Variants in PARD3B observed in about 807,000 individuals in gnomAD.
PARD3B encodes partitioning defective 3 homolog B.
A neutral mutation model predicts 130.2 loss-of-function variants in PARD3B; 103 were observed. That is an observed-to-expected ratio of 0.79 (90% CI 0.67 to 0.93). The LOEUF is 0.93. Among genes scored for constraint, PARD3B ranks in the 40% least tolerant of loss-of-function variants. The probability of loss-of-function intolerance (pLI) is 0.00; values close to 1 mark genes in which losing one functional copy is unlikely to be tolerated. For synonymous variants in PARD3B, 583 were observed against 553.2 expected (o/e 1.05, Z -0.76); for missense variants, 1,609 against 1,499.2 (o/e 1.07, Z -1.21).
chr2:205,389,151 T>C (rs1344532054), intron 18 of PARD3B, among the ~76,000 whole-genome samples: 1 of 152,182 alleles, frequency 6.6e-6, no homozygotes, highest in Admixed American at 6.5e-5. Context: ...TTTCTAAGTT[T>C]ATTGGTAGTT....
intron 2 of PARD3B, among the ~76,000 whole-genome samples, chr2:204,897,402 T>TTTTTTTTA (rs2046678726): frequency 4.0e-5 from 6 of 149,826 alleles, no homozygotes; most frequent in Non-Finnish European, 7.4e-5. Context: ...TTTTTTTTTT[T>TTTTTTTTA]GAGAATTTAA....
intron 22 of PARD3B, among the ~76,000 whole-genome samples, chr2:205,556,417 A>G (rs915658422): frequency 7.2e-5 from 11 of 152,278 alleles, no homozygotes; most frequent in African/African-American, 2.4e-4. Flanking sequence ...AAGTGCTTTC[A>G]TGGAACTCGG....
intron 16 of PARD3B, among the ~76,000 whole-genome samples, chr2:205,298,433 G>A (rs2041871286): frequency 1.3e-5 from 2 of 151,692 alleles, no homozygotes; most frequent in African/African-American, 2.4e-5. Flanking sequence ...ATTTAATAGT[G>A]ACATATCCTC....
At chr2:204,683,892 A>C (rs1411880641) in intron 1 of PARD3B, among the ~76,000 whole-genome samples, 1 of 152,054 alleles carries the variant, frequency 6.6e-6, no homozygotes, top group Non-Finnish European at 1.5e-5. Context: ...TTTAGTTCTG[A>C]GCTCTTTTGA....
intron 20 of PARD3B, among the ~76,000 whole-genome samples, chr2:205,499,084 C>A (rs1245151208): frequency 1.3e-5 from 2 of 152,168 alleles, no homozygotes; most frequent in Non-Finnish European, 2.9e-5. Flanking sequence ...CTGTTCAGAT[C>A]TGCCTGTCAT....
At chr2:204,619,166 A>G (rs1170247175) in intron 1 of PARD3B, among the ~76,000 whole-genome samples, 1 of 152,148 alleles carries the variant, frequency 6.6e-6, no homozygotes, top group Non-Finnish European at 1.5e-5. Flanking sequence ...CTGTTCAGCA[A>G]GGTTGCAATG....
At chr2:204,780,981 A>G (rs547132922) in intron 2 of PARD3B, among the ~76,000 whole-genome samples, 3 of 152,276 alleles carry the variant, frequency 2.0e-5, no homozygotes, top group East Asian at 3.9e-4. Context: ...GAAATCTGTC[A>G]TATTTTGTAC....
At chr2:204,803,564 G>A (rs1281997958) in intron 2 of PARD3B, among the ~76,000 whole-genome samples, 1 of 152,134 alleles carries the variant, frequency 6.6e-6, no homozygotes, top group Non-Finnish European at 1.5e-5. Context: ...CATGGGACAC[G>A]AAGTTAAAGC....
At chr2:204,904,885 T>G (rs2125712409) in intron 2 of PARD3B, among the ~76,000 whole-genome samples, 1 of 152,346 alleles carries the variant, frequency 6.6e-6, no homozygotes, top group South Asian at 2.1e-4. Context: ...TGTTAAAATC[T>G]TAAGATTTTT....
At chr2:204,614,844 C>T (rs963438341) in intron 1 of PARD3B, among the ~76,000 whole-genome samples, 11 of 152,162 alleles carry the variant, frequency 7.2e-5, no homozygotes, top group African/African-American at 2.7e-4. Context: ...TTCCCAGAAG[C>T]AGATGCTTGT....
chr2:205,522,194 A>T (rs902558081), intron 21 of PARD3B, among the ~76,000 whole-genome samples: 20 of 150,974 alleles, frequency 1.3e-4, no homozygotes, highest in African/African-American at 4.7e-4. Flanking sequence ...AAAACAAATG[A>T]AACCTATTTT....
At chr2:204,636,303 C>T (rs887195555) in intron 1 of PARD3B, among the ~76,000 whole-genome samples, 6 of 151,996 alleles carry the variant, frequency 3.9e-5, no homozygotes, top group South Asian at 2.1e-4. Flanking sequence ...AATTTCAGAG[C>T]GCTGTCTTCA....
intron 1 of PARD3B, among the ~76,000 whole-genome samples, chr2:204,586,125 A>G (rs1041772540): frequency 1.3e-5 from 2 of 152,228 alleles, no homozygotes; most frequent in Non-Finnish European, 1.5e-5. Flanking sequence ...GACTTGGCTA[A>G]TGAGTCTGAT....
intron 4 of PARD3B, among the ~76,000 whole-genome samples, chr2:205,092,325 G>T (rs1559428923): frequency 6.6e-6 from 1 of 152,158 alleles, no homozygotes. Flanking sequence ...ACAGCTCCAG[G>T]ATGAGAGTGG....
chr2:205,079,034 C>T (rs1435532264), intron 4 of PARD3B, among the ~76,000 whole-genome samples: 1 of 152,204 alleles, frequency 6.6e-6, no homozygotes, highest in South Asian at 2.1e-4. Context: ...GGCTGCCCAG[C>T]TTAGCCTTTC....
chr2:204,641,377 GC>G (rs1356792527), intron 1 of PARD3B, among the ~76,000 whole-genome samples: 1 of 151,950 alleles, frequency 6.6e-6, no homozygotes, highest in Non-Finnish European at 1.5e-5. Context: ...TCTAGATGGG[GC>G]TAAGGGCTCC....
chr2:205,015,202 T>A lies in PARD3B; in HGVS notation c.395-32379T>A, dbSNP rs1234659225. On this transcript the variant is annotated intron_variant, in intron 3 of 22. Transcript: ENST00000406610. The surrounding 1 kb of genome is among the most constrained non-coding windows in gnomAD (Gnocchi z 4.5). ...TATGTATTCTTACAATAAAGTAAGC[T>A]AGAGGAAAGAAAAAATTATCAAGGA... Among the ~76,000 whole-genome samples the A allele has an allele frequency of 6.6e-6, 1 of 152,142 alleles. No homozygotes were observed. Among genetic ancestry groups the A allele is most frequent in the East Asian group, 1.9e-4 (1 of 5,186 alleles).
At chr2:204,997,407 A>G (rs1694323061) in intron 3 of PARD3B, among the ~76,000 whole-genome samples, 1 of 152,154 alleles carries the variant, frequency 6.6e-6, no homozygotes, top group Non-Finnish European at 1.5e-5. Context: ...TTTATTTACA[A>G]CTTCTTTATT....
chr2:204,765,998 A>T (rs2041127720), intron 2 of PARD3B, among the ~76,000 whole-genome samples: 2 of 152,164 alleles, frequency 1.3e-5, no homozygotes, highest in African/African-American at 4.8e-5. Context: ...TTTGAAAGCA[A>T]ATTAATTTTA....
Sources: allele counts gnomAD v4.1 joint callset (sites outside exome capture counted in the v4.1 genomes callset), GRCh38; gene constraint gnomAD v4.1.1; non-coding constraint Gnocchi (gnomAD v3.1); transcripts MANE v1.5; gene names NCBI Gene and HGNC (gene_info 2026-07-23, HGNC 2026-07-21).